The following TMIGD3 variants were observed in gnomAD, a reference collection of about 807,000 sequenced individuals.
The protein encoded by TMIGD3 is transmembrane and immunoglobulin domain containing 3.
A neutral mutation model predicts 28.1 loss-of-function variants in TMIGD3; 21 were observed. The ratio of observed to expected loss-of-function variants is 0.75; its 90% CI spans 0.53 to 1.08. TMIGD3 has a LOEUF of 1.08. Ranked by LOEUF, TMIGD3 falls within the 50% of genes least tolerant of loss-of-function variation. The pLI is 0.00. For missense variants in TMIGD3, 416 were observed against 435.6 expected (o/e 0.96, Z 0.40); for synonymous variants, 151 against 162.1 (o/e 0.93, Z 0.52).
At chr1:111,547,226 G>C (rs1657064312) in intron 1 of TMIGD3, among the ~76,000 whole-genome samples, 1 of 151,672 alleles carries the variant, frequency 6.6e-6, no homozygotes, top group Non-Finnish European at 1.5e-5. Flanking sequence ...GTTAGCAGTG[G>C]GTTTTTCAAA....
At chr1:111,542,240 C>A (rs1656859422) in intron 1 of TMIGD3, 2 of 608,440 alleles carry the variant, frequency 3.3e-6, no homozygotes, top group Non-Finnish European at 3.1e-6. Context: ...CTGACGGAAA[C>A]ACTGGCGGCA....
chr1:111,513,708 T>A (rs1334152439), intron 1 of TMIGD3, among the ~76,000 whole-genome samples: 5 of 152,156 alleles, frequency 3.3e-5, no homozygotes, highest in African/African-American at 1.2e-4. Context: ...TCACTGCAGA[T>A]GGTCCATCCT....
In TMIGD3 at chr1:111,551,355, C is replaced by T. The variant is rs367610469; in HGVS notation, c.107+12491G>A. On this transcript the variant is annotated intron_variant, in intron 1 of 5. Coordinates refer to the TMIGD3 transcript ENST00000369717. ...TAGTTTCTTCTGTGTTAAATAGACA[C>T]TTTTCTAGGGGGCCACTTTAATTCC... Among the ~76,000 whole-genome samples the T allele has an allele frequency of 9.2e-5, 14 of 152,278 alleles. No individual in the cohort carries two copies. In the South Asian group the frequency reaches 2.9e-3, roughly 32 times the overall value.
intron 1 of TMIGD3, among the ~76,000 whole-genome samples, chr1:111,544,735 T>C (rs1656974868): frequency 1.3e-5 from 2 of 152,130 alleles, no homozygotes; most frequent in African/African-American, 4.8e-5. Flanking sequence ...ACATCCATTT[T>C]TGGTATATAC....
At chr1:111,483,798 A>G in intron 5 of TMIGD3, 41 bp from the exon 6 acceptor site, 3 of 1,520,214 alleles carry the variant, frequency 2.0e-6, no homozygotes, top group Non-Finnish European at 2.7e-6. Context: ...GTTGAGATCT[A>G]TTGCCTACCC....
At chr1:111,493,493 T>C (rs1654757820) in intron 1 of TMIGD3, among the ~76,000 whole-genome samples, 1 of 152,084 alleles carries the variant, frequency 6.6e-6, no homozygotes. Flanking sequence ...GCCAAACAGG[T>C]CCCAGCACCA....
In TMIGD3 at chr1:111,497,173, C is replaced by T. The variant is rs970661429; in HGVS notation, c.350+5832G>A. On this transcript the variant is annotated intron_variant, in intron 1 of 5. Transcript: ENST00000369716. ...TCGCCCAGGCTGGAGTGCAGTGGCA[C>T]GATCTCGGCTCACTGCAAGCTCCGC... is the stretch of plus-strand genomic sequence containing the variant. Among the ~76,000 whole-genome samples, 8 of 152,144 alleles carry T rather than the reference C, an allele frequency of 5.3e-5. No individual in the cohort carries two copies. In the South Asian group the frequency reaches 1.0e-3, roughly 20 times the overall value.
At chr1:111,521,360 A>G (rs1656055065) in intron 1 of TMIGD3, among the ~76,000 whole-genome samples, 1 of 152,224 alleles carries the variant, frequency 6.6e-6, no homozygotes, top group Non-Finnish European at 1.5e-5. Context: ...ATTTTCTTGT[A>G]AAATGATTAT....
At chr1:111,493,269 G>A (rs1476658665) in intron 1 of TMIGD3, among the ~76,000 whole-genome samples, 2 of 152,136 alleles carry the variant, frequency 1.3e-5, no homozygotes, top group African/African-American at 2.4e-5. Context: ...TTTAGGTCAT[G>A]GGGGTGGATC....
chr1:111,542,235 G>A lies in TMIGD3; in HGVS notation c.107+21611C>T, dbSNP rs1656859222. On this transcript the variant is annotated intron_variant, in intron 1 of 5. Transcript: ENST00000369717. Reference sequence around the variant, plus strand: ...AAACAGACATCCTTCGCGTACTGACGGAAACACTGGCGGCACATATTGAGG... The same window carrying A: ...AAACAGACATCCTTCGCGTACTGACAGAAACACTGGCGGCACATATTGAGG... The A allele has an allele frequency of 8.3e-6, 5 of 605,868 alleles. No individual in the cohort carries two copies. The Admixed American group carries it at 9.4e-5, about 11-fold the overall frequency. The allele number at this position is 605,868 out of a possible 1,614,324, so 37.5% of individuals were successfully genotyped here.
At chr1:111,494,277 T>A (rs1292437006) in intron 1 of TMIGD3, among the ~76,000 whole-genome samples, 1 of 152,254 alleles carries the variant, frequency 6.6e-6, no homozygotes, top group African/African-American at 2.4e-5. Flanking sequence ...AAACTATCCA[T>A]GTTTCTGGAT....
chr1:111,485,872 T>C, intron 4 of TMIGD3, 32 bp from the exon 5 acceptor site: 1 of 1,556,496 alleles, frequency 6.4e-7, no homozygotes, highest in Non-Finnish European at 8.8e-7. Flanking sequence ...TTCATGTTGC[T>C]TGGAAGAAAC....
intron 1 of TMIGD3, among the ~76,000 whole-genome samples, chr1:111,529,160 CT>C (rs938819013): frequency 6.7e-6 from 1 of 149,870 alleles, no homozygotes; most frequent in African/African-American, 2.5e-5. Context: ...TTATATAATT[CT>C]TATGAGATCA....
Position 111,563,882 on chromosome 1 carries a change from G to A in TMIGD3, c.71C>T (p.Pro24Leu), listed in dbSNP as rs781294847. The stretch of plus-strand genomic sequence containing the variant: ...ACTCAAGCAGCCCAGTGTCCAGTCT[G>A]GCTGCTCTTCCCAGGAGCTTTCCCA... Residue 24 changes from proline to leucine, a missense_variant, in exon 1 of 6, where the codon CCA (proline) becomes CTA (leucine). By Grantham distance (98) the Pro-to-Leu change is moderately conservative. Coordinates refer to the TMIGD3 transcript ENST00000369717. 9.9e-6 allele frequency: 16 copies of A among 1,613,488 alleles called. No individual in the cohort carries two copies. In the Admixed American group the frequency reaches 2.3e-4, roughly 24 times the overall value.
chr1:111,555,675 C>A (rs1258758220), intron 1 of TMIGD3, among the ~76,000 whole-genome samples: 1 of 152,066 alleles, frequency 6.6e-6, no homozygotes, highest in Non-Finnish European at 1.5e-5. Context: ...GAGATACTGT[C>A]TTTTCAACAA....
rs187193683 is a variant in TMIGD3, at chr1:111,498,559, C to T, written c.350+4446G>A. ...AGTTTGGGCTTTAATGTTACAAGTT[C>T]CTCTTTATGTCTGAGAATAGGTGGC... is the stretch of plus-strand genomic sequence containing the variant. On this transcript the variant is annotated intron_variant, in intron 1 of 5. Transcript: ENST00000369716. Among the ~76,000 whole-genome samples, 19 of 152,282 alleles carry T rather than the reference C, an allele frequency of 1.2e-4. No homozygotes were observed. The East Asian group carries it at 3.7e-3, about 29-fold the overall frequency.
intron 1 of TMIGD3, among the ~76,000 whole-genome samples, chr1:111,501,842 A>G (rs374404512): frequency 1.3e-5 from 2 of 151,860 alleles, no homozygotes; most frequent in South Asian, 4.1e-4. Flanking sequence ...TTTCCTCCAG[A>G]GAAGTGACGA....
intron 1 of TMIGD3, among the ~76,000 whole-genome samples, chr1:111,560,798 A>G (rs1176515509): frequency 6.6e-6 from 1 of 152,148 alleles, no homozygotes; most frequent in Non-Finnish European, 1.5e-5. Flanking sequence ...GGCTGGGTAA[A>G]TAGTTCTTGA....
At chr1:111,500,823 T>C (rs1012372170) in intron 1 of TMIGD3, 2 of 535,858 alleles carry the variant, frequency 3.7e-6, no homozygotes, top group Admixed American at 6.8e-5. Context: ...AACTCTTGAA[T>C]GGATAAGGAG....
Sources: gnomAD v4.1 joint callset for allele counts (sites outside exome capture counted in the v4.1 genomes callset) on GRCh38, gnomAD v4.1.1 for gene constraint, MANE v1.5 for transcripts, NCBI Gene and HGNC (gene_info 2026-07-23, HGNC 2026-07-21) for gene names.